SOX6: variants seen among roughly 807,000 people sequenced by gnomAD.
SOX6 encodes SRY-box transcription factor 6.
In SOX6, 11 loss-of-function variants were observed where a neutral mutation model predicts 97.8. The observed-to-expected ratio is 0.11, with a 90% CI of 0.07 to 0.19. The LOEUF (loss-of-function observed/expected upper bound fraction) is 0.19. Among genes scored for constraint, SOX6 ranks in the 10% least tolerant of loss-of-function variants. The probability of loss-of-function intolerance (pLI) is 1.00; values close to 1 mark genes in which losing one functional copy is unlikely to be tolerated. For synonymous variants in SOX6, 360 were observed against 371.4 expected (o/e 0.97, Z 0.35); for missense variants, 810 against 1,039.5 (o/e 0.78, Z 3.04).
At chr11:16,417,806 A>C (rs2050931013) in intron 1 of SOX6, among the ~76,000 whole-genome samples, 1 of 152,202 alleles carries the variant, frequency 6.6e-6, no homozygotes, top group African/African-American at 2.4e-5. Context: ...ATTTGTTTTC[A>C]ATTTCTTCAT....
At chr11:16,236,285 C>A (rs539026391) in intron 3 of SOX6, among the ~76,000 whole-genome samples, 91 of 151,850 alleles carry the variant, frequency 6.0e-4, no homozygotes, top group Non-Finnish European at 1.1e-3. Flanking sequence ...TATTCAAATT[C>A]AGAAATGAGA....
intron 4 of SOX6, among the ~76,000 whole-genome samples, chr11:16,540,497 AG>A (rs1352215837): frequency 6.6e-6 from 1 of 152,136 alleles, no homozygotes; most frequent in Non-Finnish European, 1.5e-5. Context: ...AAGGAAATAA[AG>A]GGTATTCAAT....
chr11:16,374,093 T>A (rs1857580056), intron 1 of SOX6, among the ~76,000 whole-genome samples: 1 of 152,112 alleles, frequency 6.6e-6, no homozygotes, highest in South Asian at 2.1e-4. Flanking sequence ...TATTATGCTA[T>A]ATCATACTGA....
intron 12 of SOX6, among the ~76,000 whole-genome samples, chr11:16,044,715 A>G (rs1855774210): frequency 6.6e-6 from 1 of 152,190 alleles, no homozygotes; most frequent in African/African-American, 2.4e-5. Context: ...AAACAGTAAC[A>G]TTATGCAGGA....
At chr11:16,574,739 C>T (rs762149273) in intron 4 of SOX6, among the ~76,000 whole-genome samples, 6 of 151,980 alleles carry the variant, frequency 3.9e-5, no homozygotes, top group Non-Finnish European at 7.4e-5. Flanking sequence ...AATTTATATA[C>T]AGATTTGTAG....
At chr11:16,018,162 A>T (rs953026235) in intron 12 of SOX6, among the ~76,000 whole-genome samples, 2 of 152,092 alleles carry the variant, frequency 1.3e-5, no homozygotes, top group Admixed American at 6.6e-5. Context: ...GAGCTGATGA[A>T]TGTTAAATGT....
At chr11:16,454,901 T>C (rs1859785923) in intron 1 of SOX6, among the ~76,000 whole-genome samples, 1 of 152,124 alleles carries the variant, frequency 6.6e-6, no homozygotes, top group Non-Finnish European at 1.5e-5. Context: ...GCATGATTTC[T>C]TGGCAGACTG....
intron 2 of SOX6, among the ~76,000 whole-genome samples, chr11:16,329,578 C>G (rs1414807861): frequency 3.3e-5 from 5 of 152,172 alleles, no homozygotes; most frequent in Admixed American, 3.3e-4. Flanking sequence ...TAAGCTCAGA[C>G]AAGTTAGTTA....
At chr11:16,536,376 C>G (rs756372189) in intron 4 of SOX6, among the ~76,000 whole-genome samples, 7 of 152,124 alleles carry the variant, frequency 4.6e-5, no homozygotes, top group Non-Finnish European at 8.8e-5. Context: ...CTGCAGCTCC[C>G]GGCGAGATTG....
At chr11:16,480,137 A>G (rs1322656312), upstream of SOX6, among the ~76,000 whole-genome samples, 8 of 152,174 alleles carry the variant, frequency 5.3e-5, no homozygotes, top group Non-Finnish European at 8.8e-5. Flanking sequence ...GTGAAAATCA[A>G]ATATATATGC....
At chr11:16,553,664 C>T (rs1157141694) in intron 4 of SOX6, among the ~76,000 whole-genome samples, 1 of 151,812 alleles carries the variant, frequency 6.6e-6, no homozygotes, top group Non-Finnish European at 1.5e-5. Flanking sequence ...CCTGTGGAGA[C>T]CATACCTCTA....
intron 3 of SOX6, among the ~76,000 whole-genome samples, chr11:16,692,050 CGT>C (rs1284200505): frequency 8.0e-6 from 1 of 124,666 alleles, no homozygotes; most frequent in Non-Finnish European, 1.7e-5. Context: ...TTTTGATTTG[CGT>C]GTGCGTGTGT....
intron 4 of SOX6, among the ~76,000 whole-genome samples, chr11:16,572,854 T>C (rs1847950962): frequency 6.6e-6 from 1 of 152,166 alleles, no homozygotes; most frequent in Non-Finnish European, 1.5e-5. Context: ...TTTGTACTTG[T>C]TGAAGAAATA....
intron 3 of SOX6, among the ~76,000 whole-genome samples, chr11:16,706,226 G>A (rs1848130904): frequency 6.6e-6 from 1 of 150,740 alleles, no homozygotes; most frequent in Admixed American, 6.6e-5. Flanking sequence ...GATCACTTGA[G>A]GCCTCCAGTT....
rs1011642043 is a variant in SOX6 at position 16,087,355 on chromosome 11, A to T, written c.1101+8641T>A. 5.9e-5 allele frequency among the ~76,000 whole-genome samples: 9 copies of T among 152,200 alleles called. No individual in the cohort carries two copies. The South Asian group carries it at 1.5e-3, about 25-fold the overall frequency. ...GTAATATCCAATTTACACATCAATTATAGCTAAGAATGATTTCATTCATCC... is the reference window on the plus strand; with the variant it reads ...GTAATATCCAATTTACACATCAATTTTAGCTAAGAATGATTTCATTCATCC... On this transcript the variant is annotated intron_variant, in intron 9 of 15. Coordinates refer to ENST00000683767, the MANE Select transcript of SOX6 (RefSeq NM_001367873.1).
intron 2 of SOX6, among the ~76,000 whole-genome samples, chr11:16,728,582 A>G (rs546203063): frequency 6.6e-6 from 1 of 152,350 alleles, no homozygotes; most frequent in South Asian, 2.1e-4. Flanking sequence ...GAAGGTCACC[A>G]ACATCAAAGA....
At chr11:16,091,701 T>G (rs1317915609) in intron 9 of SOX6, among the ~76,000 whole-genome samples, 1 of 152,080 alleles carries the variant, frequency 6.6e-6, no homozygotes, top group Non-Finnish European at 1.5e-5. Flanking sequence ...GAATAACGTA[T>G]GGTTGACAGG....
At chr11:16,132,394 G>A (rs1455533866) in intron 6 of SOX6, among the ~76,000 whole-genome samples, 13 of 63,754 alleles carry the variant, frequency 2.0e-4, no homozygotes, top group African/African-American at 8.5e-4. Flanking sequence ...AAGAAAGAAA[G>A]AAAGAAAAAA....
intron 3 of SOX6, among the ~76,000 whole-genome samples, chr11:16,655,570 T>C (rs1195251615): frequency 1.3e-5 from 2 of 152,240 alleles, no homozygotes; most frequent in Non-Finnish European, 1.5e-5. Context: ...ACTCAAAGTA[T>C]ACTTTTGATA....
Sources: gnomAD v4.1 joint callset for allele counts (sites outside exome capture counted in the v4.1 genomes callset) on GRCh38, gnomAD v4.1.1 for gene constraint, MANE v1.5 for transcripts, NCBI Gene and HGNC (gene_info 2026-07-23, HGNC 2026-07-21) for gene names.